PRTG: variants seen among roughly 807,000 people sequenced by gnomAD.
The protein encoded by PRTG is protogenin, also known as immunoglobulin superfamily, DCC subclass, member 5.
Under a neutral mutation model 122.5 loss-of-function variants are expected in PRTG, and 67 were observed. The ratio of observed to expected loss-of-function variants is 0.55; its 90% confidence interval spans 0.45 to 0.67. The LOEUF (loss-of-function observed/expected upper bound fraction) is 0.67. PRTG is among the 30% of genes least tolerant of loss of function. The pLI, the probability that PRTG is intolerant of heterozygous loss-of-function variation, is 0.00. For synonymous variants in PRTG, 554 were observed against 501.1 expected, an observed-to-expected ratio of 1.11 and a Z score of -1.41; for missense variants, 1,435 against 1,415.4, an observed-to-expected ratio of 1.01 and a Z score of -0.22.
At chr15:55,672,392 C>A (rs2059477175) in intron 11 of PRTG, 53 bp downstream of exon 11, 23 of 1,429,078 alleles carry the variant, frequency 1.6e-5, no homozygotes, top group Admixed American at 2.1e-5. Context: ...ACTTTTTTCG[C>A]AGTTTGTCAG....
chr15:55,670,864 C>T (rs758082438), intron 11 of PRTG, among the ~76,000 whole-genome samples: 14 of 150,834 alleles, frequency 9.3e-5, no homozygotes, highest in Non-Finnish European at 1.5e-4. Flanking sequence ...TGTGCCATTA[C>T]ACTCCAGCCT....
intron 7 of PRTG, 66 bp from the exon 8 acceptor site, chr15:55,678,110 T>A: frequency 3.3e-5 from 29 of 880,978 alleles, no homozygotes; most frequent in Non-Finnish European, 4.3e-5. Flanking sequence ...AAAGTTTAGC[T>A]ATTGCTAAAT....
chr15:55,645,769 C>T (rs867850409), intron 11 of PRTG, among the ~76,000 whole-genome samples: 2 of 152,086 alleles, frequency 1.3e-5, no homozygotes, highest in South Asian at 4.1e-4. Context: ...CCTGTTTCAG[C>T]CCTTCTTGTG....
chr15:55,724,775 A>T (rs567641762), intron 2 of PRTG, among the ~76,000 whole-genome samples: 3 of 152,276 alleles, frequency 2.0e-5, no homozygotes, highest in Non-Finnish European at 4.4e-5. Flanking sequence ...ATGAAAAATA[A>T]AATAAAAAGA....
At chr15:55,688,306 C>T (rs1484867365) in intron 2 of PRTG, among the ~76,000 whole-genome samples, 1 of 152,162 alleles carries the variant, frequency 6.6e-6, no homozygotes, top group Non-Finnish European at 1.5e-5. Context: ...CTCCTCCTTC[C>T]TGTCTCCCTT....
intron 17 of PRTG, among the ~76,000 whole-genome samples, chr15:55,625,608 A>G (rs1377765520): frequency 1.3e-5 from 2 of 150,714 alleles, no homozygotes; most frequent in Non-Finnish European, 2.9e-5. Flanking sequence ...CATGCCCACT[A>G]TGCTCAGCTA....
rs1595596907 is a variant in PRTG at position 55,619,921 on chromosome 15, G to A, written c.*91C>T. 6.4e-7 allele frequency: 1 copy of A among 1,556,596 alleles called. No individual in the cohort carries two copies. The highest frequency in any genetic ancestry group is 2.2e-5 in the East Asian group (1 of 44,470). ...TGGCAGATGGCGGCTGCAGAACTAA[G>A]GAGGAAGTCTGCTCACTAACAGATG... On this transcript the variant is annotated 3_prime_UTR_variant, in exon 20 of 20. Coordinates refer to ENST00000389286, the MANE Select transcript of PRTG (RefSeq NM_173814.6).
intron 2 of PRTG, among the ~76,000 whole-genome samples, chr15:55,685,009 G>A (rs1157147279): frequency 6.6e-6 from 1 of 152,114 alleles, no homozygotes; most frequent in Non-Finnish European, 1.5e-5. Flanking sequence ...ATCACATTTT[G>A]AGGGAGTGTA....
chr15:55,674,399 C>A (rs2059490634), intron 9 of PRTG, among the ~76,000 whole-genome samples: 1 of 152,150 alleles, frequency 6.6e-6, no homozygotes, highest in Non-Finnish European at 1.5e-5. Context: ...TGCTAAGACT[C>A]ACTTTCTTCA....
intron 2 of PRTG, among the ~76,000 whole-genome samples, chr15:55,718,906 C>G (rs1221826564): frequency 2.7e-5 from 4 of 148,100 alleles, no homozygotes; most frequent in African/African-American, 1.0e-4. Flanking sequence ...TCATGCTCGG[C>G]TAATTTTTTT....
chr15:55,619,478 G>C lies in PRTG; in HGVS notation c.*534C>G, dbSNP rs1187473467. 4.5e-5 allele frequency: 7 copies of C among 156,448 alleles called. No homozygotes were observed. The highest frequency in any genetic ancestry group is 1.5e-4 in the African/African-American group (6 of 41,368). 9.7% of individuals were successfully genotyped at this position (156,448 alleles called of 1,614,324 possible). ...ACTCCTTTGATCACACACATTACAC[G>C]TACAGCAATGAAAACACAATACTAC... On this transcript the variant is annotated 3_prime_UTR_variant, in exon 20 of 20. Transcript: ENST00000389286.
At position 55,612,005 on chromosome 15, in the gene PRTG, C is replaced by T. The variant is rs1158579872; in HGVS notation, c.*8007G>A. 2 of 129,782 alleles carry T rather than the reference C, an allele frequency of 1.5e-5. No individual in the cohort carries two copies. The highest frequency in any genetic ancestry group is 8.0e-5 in the Admixed American group (1 of 12,542). The allele number at this position is 129,782 out of a possible 1,614,324, so 8.0% of individuals were successfully genotyped here. The stretch of plus-strand genomic sequence containing the variant: ...TCCCACACTTTCATTTAATTCACAT[C>T]TTTGAAGAAAATAGAAAAAAAAAAA... On this transcript the variant is annotated 3_prime_UTR_variant, in exon 20 of 20. Coordinates refer to ENST00000389286, the MANE Select transcript of PRTG (RefSeq NM_173814.6).
At chr15:55,670,902 A>AACACAC (rs59455199) in intron 11 of PRTG, among the ~76,000 whole-genome samples, 101 of 143,910 alleles carry the variant, frequency 7.0e-4, no homozygotes, top group African/African-American at 2.5e-3. Context: ...CTCCGTCACA[A>AACACAC]ACACACACAC....
intron 2 of PRTG, among the ~76,000 whole-genome samples, chr15:55,697,678 C>G (rs2059639218): frequency 6.6e-6 from 1 of 152,054 alleles, no homozygotes; most frequent in Non-Finnish European, 1.5e-5. Context: ...TTAGTAGACA[C>G]AGCGTTTCAC....
intron 2 of PRTG, among the ~76,000 whole-genome samples, chr15:55,731,366 CT>C (rs10658460): frequency 5.1e-3 from 528 of 103,770 alleles, no homozygotes; most frequent in African/African-American, 0.018. Context: ...CCTTATCATT[CT>C]TTTTTTTTTT....
chr15:55,679,351 G>A lies in PRTG; in HGVS notation c.1068C>T (p.Pro356=), dbSNP rs780460683. Residue 356 remains proline, a synonymous_variant, in exon 7 of 20, where the codon CCC becomes CCT. Transcript: ENST00000389286. ...TTCCATTTTTCAACCATGACATCTT[G>A]GGAGAGGGGATTCCTTCTGCCTGAC... ...FVCQAEGIPS[P]KMSWLKNGRK... 4.3e-6 allele frequency: 7 copies of A among 1,612,912 alleles called. No individual in the cohort carries two copies. In the South Asian group the frequency reaches 5.5e-5, roughly 13 times the overall value.
chr15:55,697,110 T>TCC (rs1264527182), intron 2 of PRTG, among the ~76,000 whole-genome samples: 1 of 152,208 alleles, frequency 6.6e-6, no homozygotes, highest in East Asian at 1.9e-4. Context: ...CTCCCCATGT[T>TCC]CAATTTATTT....
At chr15:55,729,531 C>T (rs780360637) in intron 2 of PRTG, among the ~76,000 whole-genome samples, 2 of 151,872 alleles carry the variant, frequency 1.3e-5, no homozygotes, top group Admixed American at 6.6e-5. Context: ...ACTCAGCAGA[C>T]TGAGGCAGGA....
chr15:55,655,984 T>G (rs1053353851), intron 11 of PRTG: 1 of 155,164 alleles, frequency 6.4e-6, no homozygotes, highest in East Asian at 1.9e-4. Flanking sequence ...TATTTGTGTG[T>G]GTACTTATAC....
Sources: gnomAD v4.1 joint callset for allele counts (sites outside exome capture counted in the v4.1 genomes callset) on GRCh38, gnomAD v4.1.1 for gene constraint, MANE v1.5 for transcripts, NCBI Gene and HGNC (gene_info 2026-07-23, HGNC 2026-07-21) for gene names.